The following PCBP3 variants were observed in gnomAD, a reference collection of about 807,000 sequenced individuals.
The protein encoded by PCBP3 is poly(rC)-binding protein 3.
PCBP3 carries 25 observed loss-of-function variants against 52.7 expected under a neutral mutation model. The ratio of observed to expected loss-of-function variants is 0.47; its 90% CI spans 0.35 to 0.66. The LOEUF (loss-of-function observed/expected upper bound fraction) is 0.66. Among genes scored for constraint, PCBP3 ranks in the 30% least tolerant of loss-of-function variants. PCBP3 has a pLI of 0.01. For synonymous variants in PCBP3, 162 were observed against 183.0 expected, an observed-to-expected ratio of 0.89 and a Z score of 0.93; for missense variants, 391 against 490.3, an observed-to-expected ratio of 0.80 and a Z score of 1.91.
chr21:45,675,672 TCTC>T (rs1345974192), intron 2 of PCBP3, among the ~76,000 whole-genome samples: 1 of 152,140 alleles, frequency 6.6e-6, no homozygotes, highest in Non-Finnish European at 1.5e-5. Context: ...GCCTGTAAAA[TCTC>T]CTGTGATTTG....
intron 2 of PCBP3, among the ~76,000 whole-genome samples, chr21:45,670,884 G>A (rs752074190): frequency 7.2e-5 from 11 of 152,020 alleles, no homozygotes; most frequent in East Asian, 1.9e-4. Flanking sequence ...GTGGTGATTC[G>A]GCCCAGCTCC....
intron 4 of PCBP3, among the ~76,000 whole-genome samples, chr21:45,766,173 C>A (rs1361185572): frequency 3.3e-5 from 5 of 152,234 alleles, no homozygotes. Context: ...TAGTGAGGCG[C>A]CTGCCCTGCA....
In PCBP3 at chr21:45,941,985, A is replaced by G; in HGVS notation, c.*279A>G. On this transcript the variant is annotated 3_prime_UTR_variant, in exon 18 of 18. Transcript: ENST00000681687. ...GCATGCAGTGGTAATTATTTTAGAA[A>G]TATTGTTCCTTGGTGTCAGCGTAGC... is the stretch of plus-strand genomic sequence containing the variant. 1 of 391,044 alleles carries G rather than the reference A, an allele frequency of 2.6e-6. No individual in the cohort carries two copies. The highest frequency in any genetic ancestry group is 4.5e-6 in the Non-Finnish European group (1 of 221,084). The allele number at this position is 391,044 out of a possible 1,614,324, so 24.2% of individuals were successfully genotyped here.
At chr21:45,651,139 CTG>C (rs1276098446) in intron 1 of PCBP3, among the ~76,000 whole-genome samples, 2 of 152,144 alleles carry the variant, frequency 1.3e-5, no homozygotes, top group Non-Finnish European at 2.9e-5. Context: ...CTCACAGAAA[CTG>C]TGAGATATTA....
At chr21:45,683,784 G>A (rs1026108168) in intron 2 of PCBP3, among the ~76,000 whole-genome samples, 1 of 151,970 alleles carries the variant, frequency 6.6e-6, no homozygotes, top group East Asian at 1.9e-4. Flanking sequence ...AAATGATCCC[G>A]GCGTGGTAGC....
At position 45,837,579 on chromosome 21, in the gene PCBP3, G is replaced by A. The variant is rs1446963724; in HGVS notation, c.-125-12382G>A. ...GGTTGTCTGCCTCTTGGGGGTAGCG[G>A]CTGTGTGGAATGCCTGCGTTCTGGA... is the stretch of plus-strand genomic sequence containing the variant. On this transcript the variant is annotated intron_variant, in intron 4 of 17. Coordinates refer to ENST00000681687, the MANE Select transcript of PCBP3 (RefSeq NM_001384156.1). The surrounding 1 kb of genome is among the most constrained non-coding windows in gnomAD (Gnocchi z 4.1). Among the ~76,000 whole-genome samples the A allele has an allele frequency of 6.6e-6, 1 of 152,224 alleles. No individual in the cohort carries two copies. The highest frequency in any genetic ancestry group is 1.5e-5 in the Non-Finnish European group (1 of 68,040).
In PCBP3 at chr21:45,807,357, A is replaced by G. The variant is rs560229290; in HGVS notation, c.-125-42604A>G. Among the ~76,000 whole-genome samples the G allele has an allele frequency of 2.6e-5, 4 of 152,338 alleles. No homozygotes were observed. The South Asian group carries it at 8.3e-4, about 32-fold the overall frequency. On this transcript the variant is annotated intron_variant, in intron 4 of 17. Transcript: ENST00000681687. ...CAGCAAAGTCTCAGGATACAAAATC[A>G]AAGTGCAAAAATCACAAGCATTCCT...
intron 5 of PCBP3, among the ~76,000 whole-genome samples, chr21:45,854,761 C>G (rs573867821): frequency 2.0e-5 from 3 of 152,208 alleles, no homozygotes; most frequent in Non-Finnish European, 4.4e-5. Flanking sequence ...TCTTAATTTC[C>G]CTCTTGGATT....
At chr21:45,841,597 T>A (rs1275380012) in intron 4 of PCBP3, among the ~76,000 whole-genome samples, 1 of 152,228 alleles carries the variant, frequency 6.6e-6, no homozygotes, top group East Asian at 1.9e-4. Flanking sequence ...TTTGTGTCCA[T>A]AGTTTTTTGG....
chr21:45,691,578 C>T (rs1034397056), intron 2 of PCBP3, among the ~76,000 whole-genome samples: 1 of 151,390 alleles, frequency 6.6e-6, no homozygotes, highest in Non-Finnish European at 1.5e-5. Flanking sequence ...AATTAGAATA[C>T]AGTGAGTCAG....
In PCBP3 at chr21:45,896,248, C is replaced by T; in HGVS notation, c.51C>T (p.Thr17=). Residue 17 remains threonine (T), a synonymous_variant, in exon 6 of 18, where the codon ACC becomes ACT. Transcript: ENST00000681687. Reference sequence around the variant, plus strand: ...CCCCATCTGTCCTTCCTCACAGCACCCTCAGCACCTTAAGCCACCACCCTC... The same window carrying T: ...CCCCATCTGTCCTTCCTCACAGCACTCTCAGCACCTTAAGCCACCACCCTC... ...FWAPSVLPHS[T]LSTLSHHPQP... The T allele has an allele frequency of 6.4e-7, 1 of 1,552,192 alleles. No individual in the cohort carries two copies. The highest frequency in any genetic ancestry group is 8.7e-7 in the Non-Finnish European group (1 of 1,147,096).
chr21:45,799,573 G>T (rs547889848), intron 4 of PCBP3, among the ~76,000 whole-genome samples: 8 of 152,236 alleles, frequency 5.3e-5, no homozygotes, highest in African/African-American at 1.7e-4. Flanking sequence ...GGATAAGGGG[G>T]GAGGGCTGCA....
chr21:45,707,420 G>A (rs1419494036), intron 2 of PCBP3, among the ~76,000 whole-genome samples: 1 of 152,204 alleles, frequency 6.6e-6, no homozygotes, highest in Admixed American at 6.5e-5. Context: ...GAAGGCTGAG[G>A]CAGGAGAATC....
At chr21:45,730,597 G>T (rs1049951105) in intron 2 of PCBP3, among the ~76,000 whole-genome samples, 1 of 152,134 alleles carries the variant, frequency 6.6e-6, no homozygotes, top group African/African-American at 2.4e-5. Flanking sequence ...CTGATCTTCT[G>T]TGTAGGTTTT....
rs991215484 is a variant in PCBP3, at chr21:45,805,583, G to A, written c.-125-44378G>A. ...ACGGCACATACAGGTGCCTAAAATC[G>A]AGCTAGGGGACCTTGAAGATAATGC... On this transcript the variant is annotated intron_variant, in intron 4 of 17. Coordinates refer to ENST00000681687, the MANE Select transcript of PCBP3 (RefSeq NM_001384156.1). The surrounding 1 kb of genome is among the most constrained non-coding windows in gnomAD (Gnocchi z 4.6). Among the ~76,000 whole-genome samples, 1 of 152,146 alleles carries A rather than the reference G, an allele frequency of 6.6e-6. No individual in the cohort carries two copies. The highest frequency in any genetic ancestry group is 1.5e-5 in the Non-Finnish European group (1 of 68,026).
At chr21:45,809,500 G>A (rs1447546674) in intron 4 of PCBP3, among the ~76,000 whole-genome samples, 7 of 152,194 alleles carry the variant, frequency 4.6e-5, no homozygotes, top group Non-Finnish European at 1.0e-4. Flanking sequence ...GTTGCTGGTG[G>A]TTCTGGGCTG....
intron 4 of PCBP3, among the ~76,000 whole-genome samples, chr21:45,770,138 G>C (rs1195093463): frequency 6.6e-6 from 1 of 152,228 alleles, no homozygotes; most frequent in Non-Finnish European, 1.5e-5. Flanking sequence ...GTGTCCGTCT[G>C]AACGGCGCCC....
intron 16 of PCBP3, 83 bp downstream of exon 16, chr21:45,935,388 G>A: frequency 8.0e-6 from 8 of 998,094 alleles, no homozygotes; most frequent in Non-Finnish European, 1.3e-5. Flanking sequence ...CCTTTGGGCA[G>A]AGGGACCCAC....
chr21:45,930,047 C>G (rs1165618666), intron 14 of PCBP3, 52 bp downstream of exon 14: 6 of 1,329,832 alleles, frequency 4.5e-6, no homozygotes, highest in African/African-American at 1.4e-5. Flanking sequence ...TGGGGACTTT[C>G]TCTTTCTGAG....
Sources: gnomAD v4.1 joint callset for allele counts (sites outside exome capture counted in the v4.1 genomes callset) on GRCh38, gnomAD v4.1.1 for gene constraint, Gnocchi (gnomAD v3.1) non-coding constraint, MANE v1.5 for transcripts, NCBI Gene and HGNC (gene_info 2026-07-23, HGNC 2026-07-21) for gene names.